The following GRID2IP variants were observed in gnomAD, a reference collection of about 807,000 sequenced individuals.
The protein encoded by GRID2IP is Grid2 interacting protein.
Under a neutral mutation model 114.3 loss-of-function variants are expected in GRID2IP, and 78 were observed. That is an observed-to-expected ratio of 0.68 (90% confidence interval 0.57 to 0.82). The LOEUF (loss-of-function observed/expected upper bound fraction) is 0.82, where lower values mean the gene tolerates loss of function less well. Among genes scored for constraint, GRID2IP ranks in the 40% least tolerant of loss-of-function variants. The probability of loss-of-function intolerance (pLI) is 0.00; values close to 1 mark genes in which losing one functional copy is unlikely to be tolerated. For synonymous variants in GRID2IP, 809 were observed against 724.0 expected (o/e 1.12, Z -1.89); for missense variants, 1,727 against 1,678.5 (o/e 1.03, Z -0.51).
chr7:6,507,837 A>C lies in GRID2IP; in HGVS notation c.2544+148T>G. 2 of 1,257,884 alleles carry C rather than the reference A, an allele frequency of 1.6e-6. No individual in the cohort carries two copies. The highest frequency in any genetic ancestry group is 2.1e-6 in the Non-Finnish European group (2 of 940,130). 77.9% of individuals were successfully genotyped at this position (1,257,884 alleles called of 1,614,324 possible). A position where few individuals can be genotyped will look rare whatever the true frequency, so the allele number is the denominator to read the frequency against. ...CCTGCAGTGGCCCCCAAGCGTGGGG[A>C]CGTTCTTGGGCTGGGCCTCTACTCA... On this transcript the variant is annotated intron_variant, in intron 13 of 21. Coordinates refer to ENST00000457091, the MANE Select transcript of GRID2IP (RefSeq NM_001145118.2). The surrounding 1 kb of genome is among the most constrained non-coding windows in gnomAD (Gnocchi z 5.3).
chr7:6,502,214 G>T, intron 18 of GRID2IP, 96 bp from the exon 19 acceptor site: 2 of 1,226,868 alleles, frequency 1.6e-6, no homozygotes, highest in Non-Finnish European at 2.3e-6. Flanking sequence ...CATCAATGAT[G>T]AATTCTTGGC....
Position 6,521,837 on chromosome 7 carries a change from G to A in GRID2IP, c.989+51C>T. ...GCCCCAAGAGGCAGGAGTCTTGCAGGGGGTGGGGGCAGCTCCTCACCAACC... is the reference window on the plus strand; with the variant it reads ...GCCCCAAGAGGCAGGAGTCTTGCAGAGGGTGGGGGCAGCTCCTCACCAACC... On this transcript the variant is annotated intron_variant, in intron 5 of 21. Coordinates refer to ENST00000457091, the MANE Select transcript of GRID2IP (RefSeq NM_001145118.2). This position sits in a 1 kb window ranked among gnomAD's most constrained non-coding sequence, Gnocchi z 4.1. 6 of 1,363,590 alleles carry A rather than the reference G, an allele frequency of 4.4e-6. No individual in the cohort carries two copies. In the South Asian group the frequency reaches 7.5e-5, roughly 17 times the overall value. 84.5% of individuals were successfully genotyped at this position (1,363,590 alleles called of 1,614,324 possible). A position where few individuals can be genotyped will look rare whatever the true frequency, so the allele number is the denominator to read the frequency against.
intron 1 of GRID2IP, among the ~76,000 whole-genome samples, chr7:6,548,280 G>A (rs1409613507): frequency 6.6e-6 from 1 of 151,838 alleles, no homozygotes; most frequent in African/African-American, 2.4e-5. Context: ...TTAAACCCGG[G>A]AGGCGGAGGT....
chr7:6,541,798 C>T (rs1295600238), intron 1 of GRID2IP, among the ~76,000 whole-genome samples: 1 of 152,126 alleles, frequency 6.6e-6, no homozygotes, highest in Non-Finnish European at 1.5e-5. Flanking sequence ...ATCCTTCTAC[C>T]CAATGATCTC....
At chr7:6,543,017 C>T (rs533591437) in intron 1 of GRID2IP, among the ~76,000 whole-genome samples, 1 of 152,098 alleles carries the variant, frequency 6.6e-6, no homozygotes. Flanking sequence ...TGTCAGGCCC[C>T]GCCTCTCTCA....
Position 6,510,639 on chromosome 7 carries a change from C to T in GRID2IP, c.1623G>A (p.Thr541=), listed in dbSNP as rs370926313. 2.5e-5 allele frequency: 38 copies of T among 1,536,858 alleles called. No individual in the cohort carries two copies. Among genetic ancestry groups the T allele is most frequent in the East Asian group, 7.4e-5 (3 of 40,408 alleles). The change falls in exon 10 of 22, where the codon ACG becomes ACA. Residue 541 remains threonine, a synonymous_variant. Coordinates refer to ENST00000457091, the MANE Select transcript of GRID2IP (RefSeq NM_001145118.2). ...TGGGGTTGGGGGTCTCAGGGAGGGA[C>T]GTGCCGTCGCCTGCCTGGCGCTCGC... The part of the protein sequence containing the change: ...IPGERQAGDG[T]SLPETPNPKM...
In GRID2IP at chr7:6,514,385, C is replaced by T. The variant is rs368830346; in HGVS notation, c.1413G>A (p.Thr471=). Residue 471 remains threonine (T), a synonymous_variant, in exon 8 of 22, where the codon ACG becomes ACA. Transcript: ENST00000457091. ...QEKIACFLGY[T]AMTAEPEPEL... is the part of the protein sequence containing the mutation. ...GGAGAGGACGCTTACCTGTCATGGC[C>T]GTGTAGCCCAGGAAGCATGCGATTT... 158 of 1,523,106 alleles carry T rather than the reference C, an allele frequency of 1.0e-4. 1 individual carries two copies. The South Asian group carries it at 1.1e-3, about 10-fold the overall frequency. The allele number at this position is 1,523,106 out of a possible 1,614,324, so 94.3% of individuals were successfully genotyped here.
rs1302841793 is a variant in GRID2IP, at chr7:6,551,018, A to C, written c.419T>G (p.Phe140Cys). 1 of 1,141,946 alleles carries C rather than the reference A, an allele frequency of 8.8e-7. No individual in the cohort carries two copies. Among genetic ancestry groups the C allele is most frequent in the Non-Finnish European group, 1.1e-6 (1 of 926,486 alleles). 70.7% of individuals were successfully genotyped at this position (1,141,946 alleles called of 1,614,324 possible). A position where few individuals can be genotyped will look rare whatever the true frequency, so the allele number is the denominator to read the frequency against. ...ACCCCCGCGCCTTACCTTGCGGCTG[A>C]ACTCTTGGGCCTTGCGCCTGCGCTC... is the stretch of plus-strand genomic sequence containing the variant. The part of the protein sequence containing the change: ...HRERRRKAQE[F>C]SRKVDEILGD... Residue 140 changes from phenylalanine (F) to cysteine (C), a missense_variant, in exon 1 of 22, where the codon TTC (phenylalanine) becomes TGC (cysteine). Physicochemically the swap from Phe to Cys is radical, Grantham distance 205. Transcript: ENST00000457091.
At chr7:6,513,393 T>G (rs1252106793) in intron 8 of GRID2IP, among the ~76,000 whole-genome samples, 8 of 151,550 alleles carry the variant, frequency 5.3e-5, no homozygotes, top group South Asian at 2.1e-4. Flanking sequence ...AAACTTTTTT[T>G]TTTTTTGGTA....
chr7:6,508,958 C>T lies in GRID2IP; in HGVS notation c.2127G>A (p.Glu709=), dbSNP rs1236661169. The T allele has an allele frequency of 2.6e-6, 4 of 1,545,802 alleles. No individual in the cohort carries two copies. Among genetic ancestry groups the T allele is most frequent in the Non-Finnish European group, 3.5e-6 (4 of 1,146,376 alleles). The change falls in exon 12 of 22, where the codon GAG becomes GAA. Residue 709 remains glutamate, a splice_region_variant and synonymous_variant. Transcript: ENST00000457091. This position sits in a 1 kb window ranked among gnomAD's most constrained non-coding sequence, Gnocchi z 5.6. ...CCTCCACACCTGCTTGCGTGCCCAC[C>T]TCCTCGTAGTCGTTCTCCGGGGTCA... The part of the protein sequence containing the change: ...DFLTPENDYE[E]MSFHDDQGSF...
chr7:6,503,911 T>G (rs987976882), intron 15 of GRID2IP, among the ~76,000 whole-genome samples: 3 of 98,240 alleles, frequency 3.1e-5, no homozygotes, highest in African/African-American at 1.2e-4. Context: ...AATATTGGCC[T>G]GGGCTAAGGG....
chr7:6,508,942 C>A lies in GRID2IP; in HGVS notation c.2127+16G>T. 5.8e-6 allele frequency: 9 copies of A among 1,542,058 alleles called. No homozygotes were observed. The highest frequency in any genetic ancestry group is 7.9e-6 in the Non-Finnish European group (9 of 1,145,500). ...TCGCCTCACCCGCCTCCCTCCACAC[C>A]TGCTTGCGTGCCCACCTCCTCGTAG... On this transcript the variant is annotated intron_variant, in intron 12 of 21. Coordinates refer to ENST00000457091, the MANE Select transcript of GRID2IP (RefSeq NM_001145118.2). The surrounding 1 kb of genome is among the most constrained non-coding windows in gnomAD (Gnocchi z 5.6).
At chr7:6,501,297 G>A (rs986646035) in intron 20 of GRID2IP, among the ~76,000 whole-genome samples, 1 of 152,146 alleles carries the variant, frequency 6.6e-6, no homozygotes, top group African/African-American at 2.4e-5. Context: ...GCTGCAGTGA[G>A]CCAAGATCGT....
chr7:6,551,107 G>C lies in GRID2IP; in HGVS notation c.330C>G (p.Gly110=). ...TVLRAPRCGR[G]LALGRELLRL... ...GAAGCAGCTCACGGCCCAGAGCTAG[G>C]CCGCGGCCGCACCGCGGGGCCCGCA... Residue 110 remains glycine, a synonymous_variant, in exon 1 of 22, where the codon GGC becomes GGG. Transcript: ENST00000457091. The C allele has an allele frequency of 7.7e-7, 1 of 1,300,480 alleles. No individual in the cohort carries two copies. Among genetic ancestry groups the C allele is most frequent in the Non-Finnish European group, 9.7e-7 (1 of 1,028,622 alleles). 80.6% of individuals were successfully genotyped at this position (1,300,480 alleles called of 1,614,324 possible).
At chr7:6,514,583 C>T (rs1486489099) in intron 7 of GRID2IP, 54 bp from the exon 8 acceptor site, 2 of 1,422,536 alleles carry the variant, frequency 1.4e-6, no homozygotes, top group African/African-American at 2.8e-5. Context: ...TACCATGATG[C>T]ACAGAGTGGG....
chr7:6,543,125 TG>T (rs988972418), intron 1 of GRID2IP, among the ~76,000 whole-genome samples: 63 of 152,246 alleles, frequency 4.1e-4, no homozygotes, highest in African/African-American at 1.4e-3. Flanking sequence ...CCGGGTGCGG[TG>T]GCTCACGGCT....
At chr7:6,514,874 C>A (rs1433453817) in intron 7 of GRID2IP, among the ~76,000 whole-genome samples, 6 of 150,806 alleles carry the variant, frequency 4.0e-5, no homozygotes, top group Non-Finnish European at 5.9e-5. Context: ...ATTGCTTGAG[C>A]CTGGGAAGTG....
chr7:6,497,683 G>A lies in GRID2IP; in HGVS notation c.*91C>T. ...GCTGGCGGTGTGCTCAGAGCCCGGG[G>A]CACAGTGGCCCCGGACCTCGGCAGT... On this transcript the variant is annotated 3_prime_UTR_variant, in exon 22 of 22. Coordinates refer to ENST00000457091, the MANE Select transcript of GRID2IP (RefSeq NM_001145118.2). The A allele has an allele frequency of 1.1e-6, 1 of 943,298 alleles. No homozygotes were observed. The highest frequency in any genetic ancestry group is 1.6e-6 in the Non-Finnish European group (1 of 633,496). The allele number at this position is 943,298 out of a possible 1,614,324, so 58.4% of individuals were successfully genotyped here. A position where few individuals can be genotyped will look rare whatever the true frequency, so the allele number is the denominator to read the frequency against.
At chr7:6,547,704 C>T (rs550228027) in intron 1 of GRID2IP, among the ~76,000 whole-genome samples, 45 of 152,174 alleles carry the variant, frequency 3.0e-4, no homozygotes, top group African/African-American at 9.9e-4. Context: ...GTGTATCTGG[C>T]CACAGAGGCT....
Sources: gnomAD v4.1 joint callset for allele counts (sites outside exome capture counted in the v4.1 genomes callset) on GRCh38, gnomAD v4.1.1 for gene constraint, Gnocchi (gnomAD v3.1) non-coding constraint, MANE v1.5 for transcripts, NCBI Gene and HGNC (gene_info 2026-07-23, HGNC 2026-07-21) for gene names.